Variants in RBFOX1 observed in about 807,000 individuals in gnomAD.
RBFOX1 encodes RNA binding fox-1 homolog 1.
RBFOX1 carries 8 observed loss-of-function variants against 57.7 expected under a neutral mutation model. That is an observed-to-expected ratio of 0.14 (90% confidence interval 0.08 to 0.25). RBFOX1 has a LOEUF of 0.25. Among genes scored for constraint, RBFOX1 ranks in the 10% least tolerant of loss-of-function variants. RBFOX1 has a pLI of 1.00. For synonymous variants in RBFOX1, 326 were observed against 222.4 expected (o/e 1.47, Z -4.15); for missense variants, 611 against 548.5 (o/e 1.11, Z -1.14).
At chr16:7,052,426 G>A (rs12920426) in intron 4 of RBFOX1, among the ~76,000 whole-genome samples, 1 of 151,948 alleles carries the variant, frequency 6.6e-6, no homozygotes, top group Non-Finnish European at 1.5e-5. Flanking sequence ...AAGGATGGCT[G>A]GCTGCCTTCT....
intron 11 of RBFOX1, among the ~76,000 whole-genome samples, chr16:7,653,292 G>C (rs867141901): frequency 6.6e-6 from 1 of 152,086 alleles, no homozygotes; most frequent in Non-Finnish European, 1.5e-5. Flanking sequence ...CTTGAACCCA[G>C]GACTTCAAGA....
At chr16:7,317,515 A>G (rs867678176) in intron 4 of RBFOX1, among the ~76,000 whole-genome samples, 5 of 152,178 alleles carry the variant, frequency 3.3e-5, no homozygotes, top group African/African-American at 7.2e-5. Flanking sequence ...TCACGAAGCA[A>G]CTGGTCTCAT....
At chr16:7,090,331 A>T (rs925158338) in intron 4 of RBFOX1, among the ~76,000 whole-genome samples, 2 of 152,184 alleles carry the variant, frequency 1.3e-5, no homozygotes, top group Non-Finnish European at 2.9e-5. Flanking sequence ...ACACGATTTC[A>T]GTATGTTTTT....
At chr16:6,673,950 C>A (rs1025755698) in intron 3 of RBFOX1, among the ~76,000 whole-genome samples, 1 of 152,146 alleles carries the variant, frequency 6.6e-6, no homozygotes, top group African/African-American at 2.4e-5. Context: ...ATCTGCACAC[C>A]TCCAGAACAA....
chr16:6,120,719 G>A (rs1282280434), intron 1 of RBFOX1, among the ~76,000 whole-genome samples: 1 of 151,844 alleles, frequency 6.6e-6, no homozygotes, highest in Non-Finnish European at 1.5e-5. Context: ...CTTGCTTGTG[G>A]CTCTGAATTC....
At chr16:5,778,601 C>T (rs115258055) in intron 3 of RBFOX1, among the ~76,000 whole-genome samples, 3,466 of 152,266 alleles carry the variant, frequency 0.023, 115 homozygotes, top group African/African-American at 0.078. Context: ...GCTGTGTCTG[C>T]CTCTCCCCTG....
intron 4 of RBFOX1, among the ~76,000 whole-genome samples, chr16:5,905,712 A>G (rs2058440787): frequency 6.6e-6 from 1 of 152,034 alleles, no homozygotes; most frequent in Non-Finnish European, 1.5e-5. Context: ...ACACAGGGAG[A>G]AGACAGCATC....
chr16:6,410,595 G>A (rs1055264774), intron 2 of RBFOX1, among the ~76,000 whole-genome samples: 77 of 152,128 alleles, frequency 5.1e-4, no homozygotes, highest in South Asian at 6.2e-4. Flanking sequence ...ACAGGTGTGA[G>A]CCACCGCGCA....
At chr16:6,203,771 C>A (rs963409520) in intron 1 of RBFOX1, among the ~76,000 whole-genome samples, 5 of 152,064 alleles carry the variant, frequency 3.3e-5, no homozygotes, top group African/African-American at 1.2e-4. Flanking sequence ...ATTGGTGCAG[C>A]CACAATGGAA....
rs926234556 is a variant in RBFOX1, at chr16:5,853,946, T to C, written c.319-13357T>C. 5.3e-5 allele frequency among the ~76,000 whole-genome samples: 8 copies of C among 152,238 alleles called. No individual in the cohort carries two copies. In the East Asian group the frequency reaches 9.6e-4, roughly 18 times the overall value. ...AGCCAAATTCTGGCTTAAAATGGTATGATTATTTTGTGTTTTAATTACAAA... is the reference window on the plus strand; with the variant it reads ...AGCCAAATTCTGGCTTAAAATGGTACGATTATTTTGTGTTTTAATTACAAA... On this transcript the variant is annotated intron_variant, in intron 3 of 19. Coordinates refer to the RBFOX1 transcript ENST00000641259.
chr16:6,613,752 C>A (rs559389739), intron 2 of RBFOX1, among the ~76,000 whole-genome samples: 2 of 152,336 alleles, frequency 1.3e-5, no homozygotes, highest in Admixed American at 6.5e-5. Flanking sequence ...GCCTGGCCAA[C>A]ATGGCGAAAC....
chr16:6,575,487 G>C (rs964950637), intron 2 of RBFOX1, among the ~76,000 whole-genome samples: 2 of 152,128 alleles, frequency 1.3e-5, no homozygotes, highest in Non-Finnish European at 2.9e-5. Flanking sequence ...AAGCATCACT[G>C]ATCTTCTAAA....
chr16:6,416,587 G>C (rs1280717833), intron 2 of RBFOX1, among the ~76,000 whole-genome samples: 1 of 151,954 alleles, frequency 6.6e-6, no homozygotes, highest in Non-Finnish European at 1.5e-5. Context: ...GAGGCTTCTT[G>C]TACAAGGGTG....
At chr16:5,673,925 C>G (rs1289548047) in intron 3 of RBFOX1, among the ~76,000 whole-genome samples, 2 of 152,212 alleles carry the variant, frequency 1.3e-5, no homozygotes, top group Non-Finnish European at 2.9e-5. Context: ...GGTTACAAAA[C>G]CGAAAGGGGG....
At chr16:5,565,281 G>A (rs183987773) in intron 2 of RBFOX1, among the ~76,000 whole-genome samples, 2 of 152,200 alleles carry the variant, frequency 1.3e-5, no homozygotes, top group East Asian at 1.9e-4. Flanking sequence ...GTGTGTGCAC[G>A]TGCGTGCGTG....
rs183860942 is a variant in RBFOX1, at chr16:6,128,925, A to T, written c.-127+108933A>T. 2.6e-5 allele frequency among the ~76,000 whole-genome samples: 4 copies of T among 152,346 alleles called. No homozygotes were observed. The East Asian group carries it at 7.7e-4, about 29-fold the overall frequency. ...GTTCCAGTTTCACTAGAATAAGACC[A>T]TGCCTGTTGACTAAGTTCAAGATGG... On this transcript the variant is annotated intron_variant, in intron 1 of 15. Transcript: ENST00000550418.
At chr16:6,371,266 C>G (rs538355445) in intron 2 of RBFOX1, among the ~76,000 whole-genome samples, 1 of 152,132 alleles carries the variant, frequency 6.6e-6, no homozygotes, top group Admixed American at 6.5e-5. Flanking sequence ...ATTGATGATT[C>G]TTGTCTGAGT....
At chr16:5,837,979 A>G (rs552754434) in intron 3 of RBFOX1, among the ~76,000 whole-genome samples, 22 of 152,276 alleles carry the variant, frequency 1.4e-4, no homozygotes, top group African/African-American at 4.6e-4. Flanking sequence ...AGCATTCTGG[A>G]TGTCTGTGGA....
chr16:7,197,998 C>CTTTCTTTCTTTTTTTTTTTTTTTTT lies in RBFOX1; in HGVS notation c.27+145903_27+145904insCTTTCTTTTTTTTTTTTTTTTTTTT, dbSNP rs61556349. On this transcript the variant is annotated intron_variant, in intron 4 of 15. Coordinates refer to ENST00000550418, the MANE Select transcript of RBFOX1 (RefSeq NM_018723.4). ...TCATACCTTGTGGTTTTCTTTCTTT[C>CTTTCTTTCTTTTTTTTTTTTTTTTT]TTTTTTTTTTTTTTTTTTTTTTTTT... is the stretch of plus-strand genomic sequence containing the variant. Among the ~76,000 whole-genome samples, 15 of 55,594 alleles carry CTTTCTTTCTTTTTTTTTTTTTTTTT rather than the reference C, an allele frequency of 2.7e-4. 2 individuals carry two copies. The highest frequency in any genetic ancestry group is 3.5e-4 in the Non-Finnish European group (11 of 31,254). The allele number at this position is 55,594 out of a possible 152,430, so 36.5% of individuals were successfully genotyped here. A position where few individuals can be genotyped will look rare whatever the true frequency, so the allele number is the denominator to read the frequency against.
Sources: gnomAD v4.1 joint callset for allele counts (sites outside exome capture counted in the v4.1 genomes callset) on GRCh38, gnomAD v4.1.1 for gene constraint, MANE v1.5 for transcripts, NCBI Gene and HGNC (gene_info 2026-07-23, HGNC 2026-07-21) for gene names.